DUSP16: variants seen among roughly 807,000 people sequenced by gnomAD.
The protein encoded by DUSP16 is dual specificity phosphatase 16, also known as dual specificity protein phosphatase 16.
In DUSP16, 21 loss-of-function variants were observed where a neutral mutation model predicts 58.3. The observed-to-expected ratio is 0.36, with a 90% confidence interval of 0.26 to 0.52. The LOEUF is 0.52. DUSP16 is among the 20% of genes least tolerant of loss of function. The pLI, the probability that DUSP16 is intolerant of heterozygous loss-of-function variation, is 0.94. For synonymous variants in DUSP16, 320 were observed against 323.8 expected, an observed-to-expected ratio of 0.99 and a Z score of 0.12; for missense variants, 726 against 819.0, an observed-to-expected ratio of 0.89 and a Z score of 1.39.
intron 5 of DUSP16, among the ~76,000 whole-genome samples, chr12:12,481,299 CAA>C (rs1439800529): frequency 6.6e-6 from 1 of 152,162 alleles, no homozygotes; most frequent in Non-Finnish European, 1.5e-5. Flanking sequence ...AGGGGCTTAA[CAA>C]TATGTACATG....
chr12:12,519,496 A>AG (rs1233699601), intron 3 of DUSP16, among the ~76,000 whole-genome samples: 3 of 152,176 alleles, frequency 2.0e-5, no homozygotes, highest in Admixed American at 6.5e-5. Flanking sequence ...TTCTTGCCAC[A>AG]GGGGTGGGAA....
intron 2 of DUSP16, 87 bp from the exon 3 acceptor site, chr12:12,520,087 G>A: frequency 1.5e-6 from 2 of 1,331,190 alleles, no homozygotes; most frequent in Non-Finnish European, 2.1e-6. Flanking sequence ...TACCAGTGCT[G>A]GGGCGAATAA....
chr12:12,501,426 T>C (rs1943908633), intron 3 of DUSP16, among the ~76,000 whole-genome samples: 1 of 152,210 alleles, frequency 6.6e-6, no homozygotes, highest in Non-Finnish European at 1.5e-5. Context: ...AATGATCTGC[T>C]CTATGACCTT....
intron 4 of DUSP16, 116 bp from the exon 5 acceptor site, chr12:12,487,303 C>A: frequency 8.3e-7 from 1 of 1,206,178 alleles, no homozygotes; most frequent in Admixed American, 2.3e-5. Context: ...AAATATAATT[C>A]ATTCAGATCA....
intron 1 of DUSP16, among the ~76,000 whole-genome samples, chr12:12,526,207 A>G (rs1038696529): frequency 2.6e-5 from 4 of 152,324 alleles, no homozygotes; most frequent in Middle Eastern, 3.4e-3. Flanking sequence ...TTTCTGGTAT[A>G]TTTTTACCTT....
intron 4 of DUSP16, among the ~76,000 whole-genome samples, chr12:12,498,552 C>G (rs1156654963): frequency 6.6e-6 from 1 of 151,964 alleles, no homozygotes; most frequent in East Asian, 1.9e-4. Flanking sequence ...GTAGCTGGAA[C>G]TACAGGCTAG....
At chr12:12,539,486 T>C (rs1177133447) in intron 1 of DUSP16, among the ~76,000 whole-genome samples, 3 of 152,026 alleles carry the variant, frequency 2.0e-5, no homozygotes, top group Non-Finnish European at 4.4e-5. Context: ...CAAGGAAAGA[T>C]TGTTAAAGCT....
intron 4 of DUSP16, among the ~76,000 whole-genome samples, chr12:12,500,229 T>C (rs1021694828): frequency 6.6e-6 from 1 of 152,208 alleles, no homozygotes; most frequent in African/African-American, 2.4e-5. Context: ...GATCAATTAA[T>C]ACCCTAAGAA....
intron 5 of DUSP16, among the ~76,000 whole-genome samples, chr12:12,483,940 C>A (rs1458032621): frequency 6.8e-6 from 1 of 147,726 alleles, no homozygotes; most frequent in African/African-American, 2.5e-5. Context: ...GCTTAAAACC[C>A]CACAGATCCC....
intron 3 of DUSP16, among the ~76,000 whole-genome samples, chr12:12,507,631 TG>T (rs2136219948): frequency 6.6e-6 from 1 of 152,370 alleles, no homozygotes; most frequent in African/African-American, 2.4e-5. Flanking sequence ...TTTTTGGAGA[TG>T]GAGTTTCACT....
At chr12:12,488,300 T>C (rs1457137206) in intron 4 of DUSP16, among the ~76,000 whole-genome samples, 1 of 152,208 alleles carries the variant, frequency 6.6e-6, no homozygotes, top group Non-Finnish European at 1.5e-5. Flanking sequence ...TCATGCATAA[T>C]TAACCATTCA....
chr12:12,475,458 A>AAGAC lies in DUSP16; in HGVS notation c.*1371_*1374dup, dbSNP rs1263211311. ...CCATTTTGATTTGCTTTTTCCACTG[A>AAGAC]AGACACGCCGGCCAGCGTTTCCAAA... On this transcript the variant is annotated 3_prime_UTR_variant, in exon 7 of 7. Coordinates refer to ENST00000298573, the MANE Select transcript of DUSP16 (RefSeq NM_030640.3). 6.6e-6 allele frequency: 1 copy of AAGAC among 152,212 alleles called. No homozygotes were observed. The highest frequency in any genetic ancestry group is 1.5e-5 in the Non-Finnish European group (1 of 68,062). The allele number at this position is 152,212 out of a possible 1,614,324, so 9.4% of individuals were successfully genotyped here.
At chr12:12,548,416 G>A (rs1944677810) in intron 1 of DUSP16, among the ~76,000 whole-genome samples, 1 of 151,946 alleles carries the variant, frequency 6.6e-6, no homozygotes, top group Non-Finnish European at 1.5e-5. Context: ...CAGGCGGCCT[G>A]AGGTCAGGAG....
At chr12:12,545,806 CTAACGATATCCTA>C (rs1424464017) in intron 1 of DUSP16, among the ~76,000 whole-genome samples, 3 of 152,124 alleles carry the variant, frequency 2.0e-5, no homozygotes, top group African/African-American at 7.2e-5. Context: ...TAAATAAAGT[CTAACGATATCCTA>C]TAAACTACAA....
chr12:12,476,027 G>A lies in DUSP16; in HGVS notation c.*806C>T, dbSNP rs544755024. 1 of 152,380 alleles carries A rather than the reference G, an allele frequency of 6.6e-6. No homozygotes were observed. The highest frequency in any genetic ancestry group is 1.9e-4 in the East Asian group (1 of 5,188). The allele number at this position is 152,380 out of a possible 1,614,324, so 9.4% of individuals were successfully genotyped here. A position where few individuals can be genotyped will look rare whatever the true frequency, so the allele number is the denominator to read the frequency against. On this transcript the variant is annotated 3_prime_UTR_variant, in exon 7 of 7. Transcript: ENST00000298573. ...ATCGTGATGTTGCCAGGTTCCTGGT[G>A]GTTCAGCTGAATCCTAGACAGTTTC...
intron 1 of DUSP16, among the ~76,000 whole-genome samples, chr12:12,532,019 G>A (rs546653605): frequency 5.9e-5 from 9 of 152,004 alleles, no homozygotes; most frequent in African/African-American, 1.2e-4. Flanking sequence ...TTAGCCGGGC[G>A]CGGTGGCGGG....
intron 1 of DUSP16, among the ~76,000 whole-genome samples, chr12:12,538,375 T>C (rs1385725124): frequency 6.6e-6 from 1 of 152,226 alleles, no homozygotes; most frequent in Non-Finnish European, 1.5e-5. Flanking sequence ...TGAAATTTCA[T>C]AGCCAAAGAA....
rs922458451 is a variant in DUSP16, at chr12:12,521,403, G to A, written c.-305C>T. On this transcript the variant is annotated 5_prime_UTR_variant, in exon 2 of 7. Coordinates refer to ENST00000298573, the MANE Select transcript of DUSP16 (RefSeq NM_030640.3). ...CAAAAGATGCTTTGGAGCAGCCAGC[G>A]CATTACATCATTCTTTACCTTTGCT... 17 of 1,253,530 alleles carry A rather than the reference G, an allele frequency of 1.4e-5. No homozygotes were observed. In the East Asian group the frequency reaches 1.6e-4, roughly 12 times the overall value. 77.7% of individuals were successfully genotyped at this position (1,253,530 alleles called of 1,614,324 possible).
intron 1 of DUSP16, among the ~76,000 whole-genome samples, chr12:12,548,458 C>T (rs1944678206): frequency 6.6e-6 from 1 of 151,778 alleles, no homozygotes; most frequent in Non-Finnish European, 1.5e-5. Context: ...ACGGTGAAAC[C>T]CCATCTCTAC....
Sources: gnomAD v4.1 joint callset for allele counts (sites outside exome capture counted in the v4.1 genomes callset) on GRCh38, gnomAD v4.1.1 for gene constraint, MANE v1.5 for transcripts, NCBI Gene and HGNC (gene_info 2026-07-23, HGNC 2026-07-21) for gene names.